Variants in CDHR2 observed in about 807,000 individuals in gnomAD.
CDHR2 encodes cadherin related family member 2.
A neutral mutation model predicts 138.6 loss-of-function variants in CDHR2; 104 were observed. The ratio of observed to expected loss-of-function variants is 0.75; its 90% confidence interval spans 0.64 to 0.88. The LOEUF (loss-of-function observed/expected upper bound fraction) is 0.88, where lower values mean the gene tolerates loss of function less well. Among genes scored for constraint, CDHR2 ranks in the 40% least tolerant of loss-of-function variants. CDHR2 has a pLI of 0.00. For synonymous variants in CDHR2, 755 were observed against 742.8 expected (o/e 1.02, Z -0.27); for missense variants, 1,624 against 1,727.6 (o/e 0.94, Z 1.06).
At position 176,575,979 on chromosome 5, in the gene CDHR2, G is replaced by A. The variant is rs758714418; in HGVS notation, c.988G>A (p.Gly330Arg). ...TATETHLNIYGQEAKVSIWVT... is the reference protein window; with the variant it reads ...TATETHLNIYRQEAKVSIWVT... ...CACCGAGACACACCTCAACATCTAC[G>A]GGCAGGAGGCCAAGGTGAGCATCTG... is the stretch of plus-strand genomic sequence containing the variant. Residue 330 changes from glycine to arginine, a missense_variant, in exon 12 of 32, where the codon GGG becomes AGG. Physicochemically the swap from Gly to Arg is moderately radical, Grantham distance 125. Around this residue, in one of 3 missense-constraint regions of CDHR2, gnomAD observed 1,061 missense variants for 1,136.6 expected, o/e 0.93. Coordinates refer to ENST00000261944, the MANE Select transcript of CDHR2 (RefSeq NM_017675.6). 24 of 1,613,584 alleles carry A rather than the reference G, an allele frequency of 1.5e-5. No homozygotes were observed. Among genetic ancestry groups the A allele is most frequent in the Admixed American group, 8.3e-5 (5 of 59,944 alleles).
intron 17 of CDHR2, among the ~76,000 whole-genome samples, chr5:176,582,317 GCTAA>G (rs1212744301): frequency 9.2e-5 from 14 of 152,256 alleles, no homozygotes; most frequent in Admixed American, 7.9e-4. Context: ...ACCATGCCTG[GCTAA>G]TTTGGCTAAT....
Position 176,578,416 on chromosome 5 carries a change from C to T in CDHR2, c.1626C>T (p.Asn542=), listed in dbSNP as rs138540370. 1.7e-5 allele frequency: 27 copies of T among 1,614,034 alleles called. No homozygotes were observed. Among genetic ancestry groups the T allele is most frequent in the Middle Eastern group, 1.6e-4 (1 of 6,062 alleles). ...TCTCAGGGACGGTGACGGTGAGGAA[C>T]GGTGAGCTGCTGGACCGGGAGAGCC... ...DPVSGTVTVR[N]GELLDRESQA... Residue 542 remains asparagine, a synonymous_variant, in exon 16 of 32, where the codon AAC becomes AAT. Coordinates refer to ENST00000261944, the MANE Select transcript of CDHR2 (RefSeq NM_017675.6).
At position 176,567,828 on chromosome 5, in the gene CDHR2, G is replaced by A. The variant is rs80045225; in HGVS notation, c.125-850G>A. Among the ~76,000 whole-genome samples, 172 of 152,286 alleles carry A rather than the reference G, an allele frequency of 1.1e-3. 1 individual carries two copies. The highest frequency in any genetic ancestry group is 3.8e-3 in the African/African-American group (159 of 41,572). ...ATTTTTTTGTATAGATGGGGGTCTC[G>A]CTATGTGCCTAGGCAGCTCTCAAAT... is the stretch of plus-strand genomic sequence containing the variant. On this transcript the variant is annotated intron_variant, in intron 3 of 31. Coordinates refer to ENST00000261944, the MANE Select transcript of CDHR2 (RefSeq NM_017675.6).
Position 176,585,984 on chromosome 5 carries a change from A to T in CDHR2, c.2765A>T (p.Asn922Ile). 6.2e-7 allele frequency: 1 copy of T among 1,614,094 alleles called. No individual in the cohort carries two copies. Among genetic ancestry groups the T allele is most frequent in the Non-Finnish European group, 8.5e-7 (1 of 1,179,980 alleles). ...GSLLITIEDV[N>I]DNAPYFLPEN... Reference sequence around the variant, plus strand: ...CTCCTCATTACCATTGAGGACGTGAATGACAATGCACCCTATTTTCTGCCT... The same window carrying T: ...CTCCTCATTACCATTGAGGACGTGATTGACAATGCACCCTATTTTCTGCCT... Residue 922 changes from asparagine to isoleucine, a missense_variant, in exon 20 of 32, where the codon AAT becomes ATT. By Grantham distance (149) the Asn-to-Ile change is moderately radical. This residue lies in a region of CDHR2 where 556 missense variants were observed against 565.7 expected (regional missense o/e 0.98). Transcript: ENST00000261944.
rs35790078 is a variant in CDHR2, at chr5:176,576,579, CTTTTTT to C, written c.1194+404_1194+409del. ...TGAGGGTGTGAGGTGGGAGGGTGCT[CTTTTTT>C]TTTTTTTTTGAGATGGAATTTCGCT... On this transcript the variant is annotated intron_variant, in intron 12 of 31. Coordinates refer to ENST00000261944, the MANE Select transcript of CDHR2 (RefSeq NM_017675.6). The surrounding 1 kb of genome is among the most constrained non-coding windows in gnomAD (Gnocchi z 4.5). Among the ~76,000 whole-genome samples, 1 of 136,556 alleles carries C rather than the reference CTTTTTT, an allele frequency of 7.3e-6. No homozygotes were observed. 89.6% of individuals were successfully genotyped at this position (136,556 alleles called of 152,430 possible). A position where few individuals can be genotyped will look rare whatever the true frequency, so the allele number is the denominator to read the frequency against.
intron 1 of CDHR2, among the ~76,000 whole-genome samples, chr5:176,563,490 GAAAA>G (rs373377859): frequency 6.7e-6 from 1 of 148,190 alleles, no homozygotes; most frequent in Admixed American, 6.7e-5. Context: ...TAGAGAAAAA[GAAAA>G]AAAAAACCCT....
rs1388074752 is a variant in CDHR2, at chr5:176,590,099, G to C, written c.3228G>C (p.Arg1076Ser). 13 of 1,613,748 alleles carry C rather than the reference G, an allele frequency of 8.1e-6. No homozygotes were observed. Among genetic ancestry groups the C allele is most frequent in the Non-Finnish European group, 1.1e-5 (13 of 1,179,974 alleles). ...GCAGGGCTCTTACCCAGGCAACCAG[G>C]ACTACAGTATACATTGTGGACATTC... ...AINAALTQAT[R>S]TTVYIVDIQD... Residue 1076 changes from arginine (R) to serine (S), a missense_variant, in exon 25 of 32, where the codon AGG becomes AGC. Physicochemically the swap from Arg to Ser is moderately radical, Grantham distance 110 (BLOSUM62 -1). Coordinates refer to ENST00000261944, the MANE Select transcript of CDHR2 (RefSeq NM_017675.6).
At position 176,543,407 on chromosome 5, in the gene CDHR2, C is replaced by T. The variant is rs1159495648; in HGVS notation, c.-16+638C>T. 2.0e-5 allele frequency: 3 copies of T among 150,964 alleles called. No individual in the cohort carries two copies. The highest frequency in any genetic ancestry group is 1.5e-5 in the Non-Finnish European group (1 of 67,592). The allele number at this position is 150,964 out of a possible 1,614,324, so 9.4% of individuals were successfully genotyped here. A position where few individuals can be genotyped will look rare whatever the true frequency, so the allele number is the denominator to read the frequency against. On this transcript the variant is annotated intron_variant, in intron 1 of 31. Coordinates refer to the CDHR2 transcript ENST00000510636. The surrounding 1 kb of genome is among the most constrained non-coding windows in gnomAD (Gnocchi z 4.0). ...GCAGGGGAACCGTCCGCGGACCTCA[C>T]CACCCGGGCGCGCGGGGCCCACACC... is the stretch of plus-strand genomic sequence containing the variant.
At chr5:176,592,680 G>A in intron 30 of CDHR2, 43 bp from the exon 31 acceptor site, 1 of 1,579,994 alleles carries the variant, frequency 6.3e-7, no homozygotes, top group Non-Finnish European at 8.7e-7. Flanking sequence ...AGTAAGGGAG[G>A]ACTGGGCCTG....
At position 176,575,773 on chromosome 5, in the gene CDHR2, G is replaced by C; in HGVS notation, c.894G>C (p.Arg298Ser). The C allele has an allele frequency of 6.4e-7, 1 of 1,565,836 alleles. No homozygotes were observed. The highest frequency in any genetic ancestry group is 8.7e-7 in the Non-Finnish European group (1 of 1,154,540). Reference protein sequence around the residue: ...WFDIGADGVIRVNGSLDREQL... With the variant: ...WFDIGADGVISVNGSLDREQL... The stretch of plus-strand genomic sequence containing the variant: ...ACATCGGGGCAGATGGGGTGATCAG[G>C]GTCAACGGCTCCCTGGACCGTGAGC... The change falls in exon 11 of 32, where the codon AGG (arginine) becomes AGC (serine). Residue 298 changes from arginine (R) to serine (S), a missense_variant. Arg to Ser is a moderately radical substitution (Grantham distance 110). Transcript: ENST00000261944.
chr5:176,585,083 C>CT, intron 19 of CDHR2, 68 bp downstream of exon 19: 1 of 1,462,214 alleles, frequency 6.8e-7, no homozygotes, highest in Admixed American at 2.2e-5. Context: ...GAGCCCTGGG[C>CT]TGGAACTCAC....
chr5:176,591,529 C>A (rs745727542), intron 30 of CDHR2, 45 bp downstream of exon 30: 29 of 1,418,310 alleles, frequency 2.0e-5, no homozygotes, highest in Non-Finnish European at 2.7e-5. Flanking sequence ...GGTGGTGGTA[C>A]AGGTAGTGAC....
chr5:176,592,488 ATGG>A (rs1183829184), intron 30 of CDHR2, among the ~76,000 whole-genome samples: 3 of 119,722 alleles, frequency 2.5e-5, no homozygotes, highest in Non-Finnish European at 3.5e-5. Flanking sequence ...GGTGATGGTG[ATGG>A]TGGTGGTGAT....
At position 176,575,166 on chromosome 5, in the gene CDHR2, A is replaced by G. The variant is rs1301609646; in HGVS notation, c.578A>G (p.Tyr193Cys). The change falls in exon 8 of 32, where the codon TAC becomes TGC. Residue 193 changes from tyrosine (Y) to cysteine (C), a missense_variant. Tyr to Cys is a radical substitution (Grantham distance 194). This residue lies in a region of CDHR2 where 1,061 missense variants were observed against 1,136.6 expected (regional missense o/e 0.93). Transcript: ENST00000261944. Reference protein sequence around the residue: ...GSIVLNGSLSYNNKSAFYQLE... With the variant: ...GSIVLNGSLSCNNKSAFYQLE... ...ATAGTCCTCAATGGCAGCCTCAGCTACAACAACAAGAGCGCTTTCTACCAG... is the reference window on the plus strand; with the variant it reads ...ATAGTCCTCAATGGCAGCCTCAGCTGCAACAACAAGAGCGCTTTCTACCAG... 6.2e-7 allele frequency: 1 copy of G among 1,613,658 alleles called. No individual in the cohort carries two copies. The highest frequency in any genetic ancestry group is 1.3e-5 in the African/African-American group (1 of 75,010).
chr5:176,559,572 C>T (rs1439258977), intron 1 of CDHR2, among the ~76,000 whole-genome samples: 1 of 151,930 alleles, frequency 6.6e-6, no homozygotes, highest in Non-Finnish European at 1.5e-5. Flanking sequence ...CCCTGTTTTC[C>T]TTCTCTGTTT....
At chr5:176,590,188 G>T (rs1300046495) in intron 25 of CDHR2, 42 bp downstream of exon 25, 1 of 1,611,262 alleles carries the variant, frequency 6.2e-7, no homozygotes, top group African/African-American at 1.3e-5. Context: ...AGGGGGAGAA[G>T]CGGTAGCAGG....
Position 176,543,287 on chromosome 5 carries a change from C to G in CDHR2, c.-16+518C>G, listed in dbSNP as rs1041250535. On this transcript the variant is annotated intron_variant, in intron 1 of 31. Coordinates refer to the CDHR2 transcript ENST00000510636. This position sits in a 1 kb window ranked among gnomAD's most constrained non-coding sequence, Gnocchi z 4.0. ...TGGGGCCGCGGCGGGGCTCCACCCC[C>G]ACCCGGCGGCCGGCGCGTCGCTCCC... is the stretch of plus-strand genomic sequence containing the variant. 6.8e-6 allele frequency among the ~76,000 whole-genome samples: 1 copy of G among 146,538 alleles called. No homozygotes were observed. The highest frequency in any genetic ancestry group is 1.5e-5 in the Non-Finnish European group (1 of 65,780).
At chr5:176,558,986 ATTAGCGG>A (rs1456115801) in intron 1 of CDHR2, among the ~76,000 whole-genome samples, 1 of 152,224 alleles carries the variant, frequency 6.6e-6, no homozygotes, top group Non-Finnish European at 1.5e-5. Flanking sequence ...TATGTAAAAG[ATTAGCGG>A]TTGGACAGTG....
At chr5:176,567,785 G>A (rs974709379) in intron 3 of CDHR2, among the ~76,000 whole-genome samples, 13 of 152,288 alleles carry the variant, frequency 8.5e-5, no homozygotes, top group African/African-American at 2.2e-4. Context: ...GAGCCACCTC[G>A]CCTGGCCTAA....
Sources: allele counts gnomAD v4.1 joint callset (sites outside exome capture counted in the v4.1 genomes callset), GRCh38; gene constraint gnomAD v4.1.1; regional missense constraint gnomAD v4.1.1; non-coding constraint Gnocchi (gnomAD v3.1); transcripts MANE v1.5; gene names NCBI Gene and HGNC (gene_info 2026-07-23, HGNC 2026-07-21).